Variants in MARCO observed in about 807,000 individuals in gnomAD.
MARCO encodes the protein macrophage receptor MARCO.
A neutral mutation model predicts 70.0 loss-of-function variants in MARCO; 72 were observed. The observed-to-expected ratio is 1.03, with a 90% CI of 0.85 to 1.25. MARCO has a LOEUF of 1.25. Ranked by LOEUF, MARCO falls within the 50% of genes most tolerant of loss-of-function variation. MARCO has a pLI of 0.00. For missense variants in MARCO, 696 were observed against 659.3 expected (o/e 1.06, Z -0.61); for synonymous variants, 273 against 243.1 (o/e 1.12, Z -1.14).
At chr2:118,949,685 G>T (rs1395050469) in intron 1 of MARCO, 2 of 152,158 alleles carry the variant, frequency 1.3e-5, no homozygotes, top group African/African-American at 4.8e-5. Flanking sequence ...ATTTGGTAGG[G>T]CTTGACCCAG....
rs576357064 is a variant in MARCO at position 118,993,706 on chromosome 2, A to G, written c.1429+406A>G. Among the ~76,000 whole-genome samples the G allele has an allele frequency of 3.3e-5, 5 of 152,346 alleles. No homozygotes were observed. In the South Asian group the frequency reaches 1.0e-3, roughly 32 times the overall value. On this transcript the variant is annotated intron_variant, in intron 16 of 16. Coordinates refer to ENST00000327097, the MANE Select transcript of MARCO (RefSeq NM_006770.4). ...AGCTGTCTGTGAACCAGCAGCCTGG[A>G]TTGACCAGCAAGCAGTCTTGGCTGT...
chr2:118,977,283 T>C (rs1002305286), intron 6 of MARCO, among the ~76,000 whole-genome samples, 188 bp from the exon 7 acceptor site: 1 of 146,936 alleles, frequency 6.8e-6, no homozygotes, highest in East Asian at 2.4e-4. Flanking sequence ...TGTGCAATCA[T>C]ATGTGTGTGA....
chr2:118,979,128 C>G (rs369574214), intron 8 of MARCO, among the ~76,000 whole-genome samples: 4 of 152,158 alleles, frequency 2.6e-5, no homozygotes, highest in African/African-American at 7.2e-5. Context: ...AACTGGGAAG[C>G]CTTGCCCTCA....
chr2:118,982,313 C>T (rs748140342), intron 11 of MARCO, 35 bp from the exon 12 acceptor site: 3 of 1,612,878 alleles, frequency 1.9e-6, no homozygotes, highest in Non-Finnish European at 2.5e-6. Context: ...CTGCCTAGTC[C>T]AGCCCTTATG....
chr2:118,946,220 A>C (rs547574332), intron 1 of MARCO, among the ~76,000 whole-genome samples: 8 of 152,308 alleles, frequency 5.3e-5, no homozygotes, highest in African/African-American at 1.7e-4. Flanking sequence ...GGAAACTGAT[A>C]TTGGTGCAAT....
At chr2:118,961,897 A>C (rs1679954931) in intron 1 of MARCO, among the ~76,000 whole-genome samples, 1 of 152,190 alleles carries the variant, frequency 6.6e-6, no homozygotes, top group Non-Finnish European at 1.5e-5. Context: ...ATTTTTGTAT[A>C]AGATGTAAGA....
intron 3 of MARCO, 54 bp from the exon 4 acceptor site, chr2:118,971,445 T>C: frequency 6.3e-7 from 1 of 1,590,396 alleles, no homozygotes; most frequent in Non-Finnish European, 8.6e-7. Context: ...CAGTTGGGGC[T>C]TGGGCCAAGG....
chr2:118,982,549 G>C, intron 12 of MARCO, 139 bp downstream of exon 12: 2 of 811,214 alleles, frequency 2.5e-6, no homozygotes, highest in Admixed American at 2.1e-5. Flanking sequence ...TGGTTATGGG[G>C]GCAGTTGCCC....
At chr2:118,942,515 C>A in intron 1 of MARCO, 118 bp downstream of exon 1, 1 of 769,780 alleles carries the variant, frequency 1.3e-6, no homozygotes, top group Non-Finnish European at 2.2e-6. Context: ...GCATTTTGCA[C>A]GTAATCATCA....
intron 12 of MARCO, among the ~76,000 whole-genome samples, chr2:118,986,624 A>G (rs960273116): frequency 6.6e-5 from 2 of 30,378 alleles, no homozygotes; most frequent in East Asian, 1.9e-3. Context: ...AAAGAAAGAA[A>G]GAAAGAAAGA....
intron 8 of MARCO, among the ~76,000 whole-genome samples, chr2:118,980,172 C>T (rs1338790254): frequency 6.6e-6 from 1 of 152,236 alleles, no homozygotes; most frequent in Non-Finnish European, 1.5e-5. Context: ...ACAGATTCCT[C>T]CAGGGAAACA....
intron 1 of MARCO, among the ~76,000 whole-genome samples, 200 bp downstream of exon 1, chr2:118,942,597 T>C (rs1014748583): frequency 6.6e-6 from 1 of 152,242 alleles, no homozygotes; most frequent in African/African-American, 2.4e-5. Context: ...TTTTAGCATA[T>C]AGTCAGGTTT....
intron 1 of MARCO, among the ~76,000 whole-genome samples, chr2:118,959,361 G>C (rs1322133542): frequency 6.6e-6 from 1 of 152,022 alleles, no homozygotes. Flanking sequence ...ATGTACAAAT[G>C]GCCAAGTGAC....
At position 118,986,707 on chromosome 2, in the gene MARCO, A is replaced by AAG. The variant is rs1680518086; in HGVS notation, c.1064-3880_1064-3879dup. ...AAAGAAAGAAAGAAAGAAAGAAAGA[A>AAG]AGAAAGAAAGAAAGAAAAGAAAGAA... On this transcript the variant is annotated intron_variant, in intron 12 of 16. Coordinates refer to ENST00000327097, the MANE Select transcript of MARCO (RefSeq NM_006770.4). Among the ~76,000 whole-genome samples, 2 of 119,476 alleles carry AAG rather than the reference A, an allele frequency of 1.7e-5. 1 individual carries two copies. The highest frequency in any genetic ancestry group is 8.1e-5 in the African/African-American group (2 of 24,764). The allele number at this position is 119,476 out of a possible 152,430, so 78.4% of individuals were successfully genotyped here. A position where few individuals can be genotyped will look rare whatever the true frequency, so the allele number is the denominator to read the frequency against.
intron 13 of MARCO, 59 bp from the exon 14 acceptor site, chr2:118,991,718 G>C (rs1166676649): frequency 3.1e-6 from 3 of 961,262 alleles, no homozygotes; most frequent in Non-Finnish European, 4.7e-6. Flanking sequence ...TAATGCCCTT[G>C]GGTCTCTCTT....
chr2:118,984,620 G>A (rs1392146293), intron 12 of MARCO, among the ~76,000 whole-genome samples: 4 of 152,216 alleles, frequency 2.6e-5, no homozygotes, highest in Non-Finnish European at 4.4e-5. Flanking sequence ...ACATCTCAGA[G>A]GGGAATTCCA....
chr2:118,979,483 C>A (rs542746643), intron 8 of MARCO, among the ~76,000 whole-genome samples: 30 of 152,142 alleles, frequency 2.0e-4, no homozygotes, highest in Admixed American at 3.3e-4. Context: ...GCTGGAACAA[C>A]ACAGTTCTCT....
intron 1 of MARCO, among the ~76,000 whole-genome samples, chr2:118,951,455 G>GTC (rs1679721037): frequency 1.3e-5 from 2 of 152,382 alleles, no homozygotes; most frequent in African/African-American, 4.8e-5. Flanking sequence ...TTTGACTTAG[G>GTC]TTAGTTCTGG....
intron 14 of MARCO, among the ~76,000 whole-genome samples, chr2:118,992,183 CT>C (rs1680635571): frequency 1.3e-5 from 2 of 152,202 alleles, no homozygotes; most frequent in Non-Finnish European, 2.9e-5. Context: ...CACTCCATAT[CT>C]CTGACCAGAC....
Sources: gnomAD v4.1 joint callset for allele counts (sites outside exome capture counted in the v4.1 genomes callset) on GRCh38, gnomAD v4.1.1 for gene constraint, MANE v1.5 for transcripts, NCBI Gene and HGNC (gene_info 2026-07-23, HGNC 2026-07-21) for gene names.